NMS: variants seen among roughly 807,000 people sequenced by gnomAD.
NMS encodes the protein neuromedin S, also known as neuromedin-S.
In NMS, 30 loss-of-function variants were observed where a neutral mutation model predicts 32.2. That is an observed-to-expected ratio of 0.93 (90% CI 0.70 to 1.26). The LOEUF (loss-of-function observed/expected upper bound fraction) is 1.26. Among genes scored for constraint, NMS ranks in the 50% most tolerant of loss-of-function variants. The pLI, the probability that NMS is intolerant of heterozygous loss-of-function variation, is 0.00. For missense variants in NMS, 190 were observed against 186.3 expected (o/e 1.02, Z -0.12); for synonymous variants, 76 against 58.5 (o/e 1.30, Z -1.37).
chr2:100,475,999 C>CAAAA (rs746460668), intron 3 of NMS, among the ~76,000 whole-genome samples: 3 of 111,722 alleles, frequency 2.7e-5, no homozygotes, highest in African/African-American at 6.9e-5. Context: ...ACCCTATCTC[C>CAAAA]AAAAAAAAAA....
In NMS at chr2:100,482,325, GA is replaced by G. The variant is rs1462156433; in HGVS notation, c.449+15del. 6.2e-7 allele frequency: 1 copy of G among 1,613,438 alleles called. No homozygotes were observed. The highest frequency in any genetic ancestry group is 1.1e-5 in the South Asian group (1 of 91,052). On this transcript the variant is annotated intron_variant, in intron 9 of 9. Coordinates refer to ENST00000376865, the MANE Select transcript of NMS (RefSeq NM_001011717.1). ...AGATGAGGCCCAGTAGGTAGTCCAA[GA>G]TCAGCTTCATCACCCTTTTTCTCTT... is the stretch of plus-strand genomic sequence containing the variant.
At chr2:100,481,012 T>C in intron 7 of NMS, 114 bp from the exon 8 acceptor site, 1 of 985,420 alleles carries the variant, frequency 1.0e-6, no homozygotes, top group Non-Finnish European at 1.6e-6. Context: ...TCCCAGAGGT[T>C]GTTGGTGCCA....
At chr2:100,480,321 T>C (rs1677192167) in intron 6 of NMS, among the ~76,000 whole-genome samples, 175 bp from the exon 7 acceptor site, 1 of 152,224 alleles carries the variant, frequency 6.6e-6, no homozygotes, top group Admixed American at 6.5e-5. Flanking sequence ...AGCAGGAGCT[T>C]GCTAGAGAAG....
At chr2:100,474,106 A>G (rs1391644132) in intron 3 of NMS, among the ~76,000 whole-genome samples, 1 of 152,168 alleles carries the variant, frequency 6.6e-6, no homozygotes, top group African/African-American at 2.4e-5. Flanking sequence ...CGGAGGTTGC[A>G]GTGAGCCGAG....
At chr2:100,475,725 T>G (rs1677096303) in intron 3 of NMS, among the ~76,000 whole-genome samples, 1 of 151,412 alleles carries the variant, frequency 6.6e-6, no homozygotes, top group Non-Finnish European at 1.5e-5. Flanking sequence ...GTAGGCCGGG[T>G]GTGGTGGCTC....
At position 100,476,192 on chromosome 2, in the gene NMS, A is replaced by AAC. The variant is rs559179428; in HGVS notation, c.184-1039_184-1038dup. 7.7e-4 allele frequency among the ~76,000 whole-genome samples: 117 copies of AAC among 151,974 alleles called. 1 individual carries two copies. In the East Asian group the frequency reaches 0.015, roughly 20 times the overall value. ...ATTGTTTGCCCAATAAGTGTCCATA[A>AAC]ACACACACACACACTGTTGTGAACA... On this transcript the variant is annotated intron_variant, in intron 3 of 9. Coordinates refer to ENST00000376865, the MANE Select transcript of NMS (RefSeq NM_001011717.1).
At chr2:100,474,264 G>C (rs945647930) in intron 3 of NMS, among the ~76,000 whole-genome samples, 1 of 152,148 alleles carries the variant, frequency 6.6e-6, no homozygotes, top group African/African-American at 2.4e-5. Context: ...ACAAAAGGGT[G>C]GTAGGATAGC....
Position 100,477,345 on chromosome 2 carries a change from T to C in NMS, c.208-16T>C, listed in dbSNP as rs573769617. 2 of 1,612,830 alleles carry C rather than the reference T, an allele frequency of 1.2e-6. No homozygotes were observed. The highest frequency in any genetic ancestry group is 2.2e-5 in the South Asian group (2 of 91,010). On this transcript the variant is annotated splice_polypyrimidine_tract_variant and intron_variant, in intron 4 of 9. Transcript: ENST00000376865. ...AGTGACACTCGATACTAATATCACTTTCTTTTCTTATTTAGTTTTTGTTTC... is the reference window on the plus strand; with the variant it reads ...AGTGACACTCGATACTAATATCACTCTCTTTTCTTATTTAGTTTTTGTTTC...
rs190766240 is a variant in NMS, at chr2:100,482,806, C to G, written c.450-446C>G. On this transcript the variant is annotated intron_variant, in intron 9 of 9. Transcript: ENST00000376865. ...TGAGATCCAGAGTTTTAATCTGGAACGATTCCTTGGCCTTCAGGCCTGTGG... is the reference window on the plus strand; with the variant it reads ...TGAGATCCAGAGTTTTAATCTGGAAGGATTCCTTGGCCTTCAGGCCTGTGG... Among the ~76,000 whole-genome samples, 9 of 152,186 alleles carry G rather than the reference C, an allele frequency of 5.9e-5. 1 individual carries two copies. The South Asian group carries it at 1.9e-3, about 32-fold the overall frequency.
chr2:100,480,971 T>G (rs377150765), intron 7 of NMS, among the ~76,000 whole-genome samples, 155 bp from the exon 8 acceptor site: 5 of 152,160 alleles, frequency 3.3e-5, no homozygotes, highest in Non-Finnish European at 2.9e-5. Context: ...TGGGTCTGGA[T>G]TGGGGCAAAG....
intron 7 of NMS, 27 bp downstream of exon 7, chr2:100,480,558 C>T: frequency 6.2e-7 from 1 of 1,611,720 alleles, no homozygotes; most frequent in Non-Finnish European, 8.5e-7. Context: ...GAGACTGCGA[C>T]CCCCAAAGAA....
intron 3 of NMS, among the ~76,000 whole-genome samples, chr2:100,476,416 T>C (rs1677110319): frequency 6.6e-6 from 1 of 152,198 alleles, no homozygotes; most frequent in African/African-American, 2.4e-5. Flanking sequence ...AGAGGATGCA[T>C]AGGTATTGCT....
At chr2:100,478,044 C>T (rs774072291) in intron 5 of NMS, among the ~76,000 whole-genome samples, 18 of 152,166 alleles carry the variant, frequency 1.2e-4, no homozygotes, top group Admixed American at 1.1e-3. Context: ...TTACTGCAAC[C>T]TCCGCCTCCG....
At chr2:100,472,371 A>G (rs1396238368) in intron 1 of NMS, among the ~76,000 whole-genome samples, 1 of 152,210 alleles carries the variant, frequency 6.6e-6, no homozygotes, top group African/African-American at 2.4e-5. Context: ...AGAGACGGGT[A>G]TCCATGTGTC....
intron 8 of NMS, among the ~76,000 whole-genome samples, 163 bp downstream of exon 8, chr2:100,481,330 C>T (rs1056583724): frequency 6.6e-6 from 1 of 152,172 alleles, no homozygotes; most frequent in African/African-American, 2.4e-5. Context: ...GTAAAAATCT[C>T]CTCCTACAAT....
chr2:100,472,169 A>G (rs1388691392), intron 1 of NMS, among the ~76,000 whole-genome samples: 2 of 152,184 alleles, frequency 1.3e-5, no homozygotes, highest in Non-Finnish European at 2.9e-5. Flanking sequence ...ATATTTATCC[A>G]TCTAATTTCA....
At chr2:100,480,589 G>A (rs1328728990) in intron 7 of NMS, 58 bp downstream of exon 7, 31 of 1,594,550 alleles carry the variant, frequency 1.9e-5, no homozygotes, top group African/African-American at 4.0e-5. Context: ...GAGAAGGGTG[G>A]GGAAGTCCTT....
rs114524008 is a variant in NMS, at chr2:100,480,457, G to A, written c.337-39G>A. 1,367 of 1,607,752 alleles carry A rather than the reference G, an allele frequency of 8.5e-4. 11 individuals carry two copies. The African/African-American group carries it at 0.017, about 20-fold the overall frequency. On this transcript the variant is annotated intron_variant, in intron 6 of 9. Transcript: ENST00000376865. ...CAAGACAACTGCAAGGTCATGATGT[G>A]GTTCCTGTTGAATTAACCTGTGCCT...
At chr2:100,473,562 A>ATTTT in intron 3 of NMS, 23 bp downstream of exon 3, 1 of 895,094 alleles carries the variant, frequency 1.1e-6, no homozygotes, top group Non-Finnish European at 1.5e-6. Flanking sequence ...GTATATATAT[A>ATTTT]ATATATATAA....
Sources: gnomAD v4.1 joint callset for allele counts (sites outside exome capture counted in the v4.1 genomes callset) on GRCh38, gnomAD v4.1.1 for gene constraint, MANE v1.5 for transcripts, NCBI Gene and HGNC (gene_info 2026-07-23, HGNC 2026-07-21) for gene names.